SGCD: variants seen among roughly 807,000 people sequenced by gnomAD.
SGCD encodes delta-sarcoglycan.
In SGCD, 18 loss-of-function variants were observed where a neutral mutation model predicts 36.6. The observed-to-expected ratio is 0.49, with a 90% CI of 0.34 to 0.73. The LOEUF (loss-of-function observed/expected upper bound fraction) is 0.73, where lower values mean the gene tolerates loss of function less well. Ranked by LOEUF, SGCD falls within the 30% of genes least tolerant of loss-of-function variation. The probability of loss-of-function intolerance (pLI) is 0.01; values close to 1 mark genes in which losing one functional copy is unlikely to be tolerated. For synonymous variants in SGCD, 133 were observed against 130.6 expected (o/e 1.02, Z -0.12); for missense variants, 387 against 346.7 (o/e 1.12, Z -0.92).
chr5:155,916,368 A>G (rs1756741338), intron 1 of SGCD, among the ~76,000 whole-genome samples: 1 of 152,174 alleles, frequency 6.6e-6, no homozygotes, highest in Non-Finnish European at 1.5e-5. Context: ...GGTTTCTTTG[A>G]AAGTTCTTTA....
chr5:155,728,189 C>T, the SGCD span, among the ~76,000 whole-genome samples: 2 of 152,034 alleles, frequency 1.3e-5, no homozygotes, highest in Admixed American at 6.5e-5. Context: ...CCACCCGCGG[C>T]TCGCCCTCGC....
intron 4 of SGCD, among the ~76,000 whole-genome samples, chr5:156,571,201 G>A (rs1486504238): frequency 2.6e-5 from 4 of 151,802 alleles, no homozygotes; most frequent in Non-Finnish European, 4.4e-5. Context: ...GTGTGCTATC[G>A]CACCCAGCTA....
the SGCD span, among the ~76,000 whole-genome samples, chr5:155,752,293 G>A: frequency 6.6e-6 from 1 of 152,108 alleles, no homozygotes; most frequent in East Asian, 1.9e-4. Context: ...CCATTGCTCT[G>A]AGAACATGGT....
At chr5:155,742,766 C>A in the SGCD span, among the ~76,000 whole-genome samples, 15 of 152,078 alleles carry the variant, frequency 9.9e-5, no homozygotes, top group African/African-American at 3.1e-4. Flanking sequence ...GGGCTCAGTC[C>A]CACAGGACTG....
intron 3 of SGCD, among the ~76,000 whole-genome samples, chr5:156,456,568 C>T (rs868078665): frequency 6.6e-6 from 1 of 152,138 alleles, no homozygotes; most frequent in Non-Finnish European, 1.5e-5. Flanking sequence ...AGCCTGGTGT[C>T]TCCTTGCTGC....
chr5:156,284,606 T>C (rs1377894617), intron 3 of SGCD, among the ~76,000 whole-genome samples: 1 of 152,134 alleles, frequency 6.6e-6, no homozygotes, highest in African/African-American at 2.4e-5. Flanking sequence ...GAAAAGGCCT[T>C]TGACAAAATT....
At chr5:156,117,455 G>GT (rs1761931416) in intron 1 of SGCD, among the ~76,000 whole-genome samples, 1 of 152,022 alleles carries the variant, frequency 6.6e-6, no homozygotes. Flanking sequence ...TTATATTTGT[G>GT]TTTTTTCCTG....
chr5:156,717,028 T>C (rs1330436034), intron 7 of SGCD, among the ~76,000 whole-genome samples: 1 of 152,254 alleles, frequency 6.6e-6, no homozygotes, highest in Non-Finnish European at 1.5e-5. Context: ...TGAGATTTAA[T>C]ATGATTTCTC....
chr5:156,402,967 C>T (rs1772231646), intron 3 of SGCD, among the ~76,000 whole-genome samples: 1 of 152,140 alleles, frequency 6.6e-6, no homozygotes, highest in Admixed American at 6.5e-5. Flanking sequence ...ACTGATTTCC[C>T]CAGCAGTTAT....
chr5:156,022,391 A>C (rs932940859), intron 1 of SGCD, among the ~76,000 whole-genome samples: 2 of 152,232 alleles, frequency 1.3e-5, no homozygotes, highest in African/African-American at 4.8e-5. Flanking sequence ...TTATTCTTAA[A>C]ACATTTAAAT....
intron 1 of SGCD, among the ~76,000 whole-genome samples, chr5:156,023,811 G>A (rs1036947107): frequency 2.0e-5 from 3 of 151,524 alleles, no homozygotes; most frequent in South Asian, 2.1e-4. Context: ...GAGTTTTCAC[G>A]AAGCTCTGCC....
At chr5:156,480,092 A>G (rs201951398) in intron 3 of SGCD, among the ~76,000 whole-genome samples, 1 of 152,324 alleles carries the variant, frequency 6.6e-6, no homozygotes, top group East Asian at 1.9e-4. Flanking sequence ...CACTCTGAGT[A>G]GTCAGTAGGG....
chr5:156,277,352 G>T (rs1368712452), intron 3 of SGCD, among the ~76,000 whole-genome samples: 1 of 152,082 alleles, frequency 6.6e-6, no homozygotes, highest in Non-Finnish European at 1.5e-5. Context: ...ACCTTTCTTG[G>T]CCCTTGTCAT....
intron 1 of SGCD, among the ~76,000 whole-genome samples, chr5:156,058,955 T>C (rs957877839): frequency 6.8e-6 from 1 of 146,020 alleles, no homozygotes; most frequent in Non-Finnish European, 1.5e-5. Flanking sequence ...AATTTTTCCA[T>C]GATAAAAGTT....
rs540624488 is a variant in SGCD, at chr5:156,161,090, C to A, written c.-44+37071C>A. Among the ~76,000 whole-genome samples the A allele has an allele frequency of 4.6e-5, 7 of 151,856 alleles. No homozygotes were observed. The South Asian group carries it at 6.2e-4, about 13-fold the overall frequency. On this transcript the variant is annotated intron_variant, in intron 3 of 9. Transcript: ENST00000517913. ...GATATTGGCATAATACATTTCTTTA[C>A]CATGTGTCTTTTTACTTACAAGTGT...
chr5:155,874,315 A>T (rs182102275), intron 1 of SGCD, among the ~76,000 whole-genome samples: 55 of 152,278 alleles, frequency 3.6e-4, no homozygotes, highest in Admixed American at 3.5e-3. Flanking sequence ...CAACAGAAAC[A>T]AATGGATTTC....
At chr5:156,220,295 A>G (rs1473618529) in intron 3 of SGCD, among the ~76,000 whole-genome samples, 1 of 152,182 alleles carries the variant, frequency 6.6e-6, no homozygotes, top group Non-Finnish European at 1.5e-5. Context: ...CTAGCAAGGT[A>G]CGTTGGAGTT....
chr5:155,765,868 A>C, the SGCD span, among the ~76,000 whole-genome samples: 1 of 152,158 alleles, frequency 6.6e-6, no homozygotes, highest in Non-Finnish European at 1.5e-5. Context: ...GTGGTTGGCG[A>C]AGCTGAACTC....
intron 1 of SGCD, among the ~76,000 whole-genome samples, chr5:155,907,166 G>T (rs1756535276): frequency 6.6e-6 from 1 of 151,890 alleles, no homozygotes. Flanking sequence ...TCTGTTTACA[G>T]CATGATTTAG....
Sources: allele counts gnomAD v4.1 joint callset (sites outside exome capture counted in the v4.1 genomes callset), GRCh38; gene constraint gnomAD v4.1.1; transcripts MANE v1.5; gene names NCBI Gene and HGNC (gene_info 2026-07-23, HGNC 2026-07-21).